PEX7: variants seen among roughly 807,000 people sequenced by gnomAD.
The protein encoded by PEX7 is PTS2 receptor.
Under a neutral mutation model 47.5 loss-of-function variants are expected in PEX7, and 34 were observed. That is an observed-to-expected ratio of 0.72 (90% confidence interval 0.54 to 0.95). The LOEUF (loss-of-function observed/expected upper bound fraction) is 0.95, where lower values mean the gene tolerates loss of function less well. PEX7 is among the 40% of genes least tolerant of loss of function. PEX7 has a pLI of 0.00. For missense variants in PEX7, 394 were observed against 400.3 expected, an observed-to-expected ratio of 0.98 and a Z score of 0.13; for synonymous variants, 141 against 148.8, an observed-to-expected ratio of 0.95 and a Z score of 0.38.
intron 9 of PEX7, among the ~76,000 whole-genome samples, chr6:136,903,202 T>C (rs1281671096): frequency 6.6e-6 from 1 of 152,224 alleles, no homozygotes. Flanking sequence ...CACGTTGAGA[T>C]ACAGAACATC....
intron 9 of PEX7, among the ~76,000 whole-genome samples, chr6:136,902,974 A>G (rs1171030795): frequency 6.6e-6 from 1 of 152,206 alleles, no homozygotes; most frequent in Non-Finnish European, 1.5e-5. Flanking sequence ...TGGAAATTAC[A>G]TTTAGAAGAA....
chr6:136,826,519 G>T, intron 3 of PEX7, 50 bp downstream of exon 3: 1 of 1,610,874 alleles, frequency 6.2e-7, no homozygotes, highest in Non-Finnish European at 8.5e-7. Context: ...TTCGACTTTG[G>T]TTGAAATCCA....
intron 3 of PEX7, among the ~76,000 whole-genome samples, chr6:136,836,899 G>GT (rs369788020): frequency 2.2e-4 from 33 of 152,246 alleles, no homozygotes; most frequent in African/African-American, 7.2e-4. Flanking sequence ...TTTGCAGTGA[G>GT]TGAAATCATG....
intron 3 of PEX7, among the ~76,000 whole-genome samples, chr6:136,833,488 A>C (rs941509454): frequency 6.6e-6 from 1 of 152,258 alleles, no homozygotes; most frequent in Non-Finnish European, 1.5e-5. Flanking sequence ...TTAAGACTAC[A>C]CAACACATTT....
intron 3 of PEX7, among the ~76,000 whole-genome samples, chr6:136,836,510 A>G (rs1209847329): frequency 6.6e-6 from 1 of 152,192 alleles, no homozygotes; most frequent in Non-Finnish European, 1.5e-5. Flanking sequence ...TTGGAAAGAA[A>G]AAGCAATTGC....
chr6:136,889,687 C>T (rs1775523055), intron 8 of PEX7, among the ~76,000 whole-genome samples: 1 of 152,126 alleles, frequency 6.6e-6, no homozygotes, highest in Non-Finnish European at 1.5e-5. Flanking sequence ...TGCTTTTTCT[C>T]ATTTTTCGTA....
intron 8 of PEX7, among the ~76,000 whole-genome samples, chr6:136,882,615 C>G (rs1263998169): frequency 6.6e-6 from 1 of 152,082 alleles, no homozygotes; most frequent in Non-Finnish European, 1.5e-5. Flanking sequence ...GCTGGGCCTG[C>G]AGATTTTCTC....
intron 3 of PEX7, among the ~76,000 whole-genome samples, chr6:136,843,102 T>G (rs1774532044): frequency 6.6e-6 from 1 of 152,192 alleles, no homozygotes; most frequent in Admixed American, 6.5e-5. Flanking sequence ...TCAAGTAGCA[T>G]GCTGTACAGA....
intron 5 of PEX7, among the ~76,000 whole-genome samples, chr6:136,865,862 A>G (rs1402880606): frequency 6.6e-6 from 1 of 152,026 alleles, no homozygotes; most frequent in Non-Finnish European, 1.5e-5. Flanking sequence ...AGGCGGGTGG[A>G]TCACGAGGTC....
At chr6:136,842,722 C>T (rs1774523511) in intron 3 of PEX7, among the ~76,000 whole-genome samples, 1 of 152,218 alleles carries the variant, frequency 6.6e-6, no homozygotes, top group Non-Finnish European at 1.5e-5. Context: ...ATGTTTTGCT[C>T]ATTAGGAGTC....
At chr6:136,856,090 T>C (rs892234701) in intron 5 of PEX7, among the ~76,000 whole-genome samples, 2 of 152,186 alleles carry the variant, frequency 1.3e-5, no homozygotes, top group Non-Finnish European at 2.9e-5. Context: ...GAATTGTTTC[T>C]AGAGTGTTGC....
At chr6:136,825,011 G>A (rs995796793) in intron 1 of PEX7, among the ~76,000 whole-genome samples, 7 of 152,182 alleles carry the variant, frequency 4.6e-5, no homozygotes, top group Non-Finnish European at 7.4e-5. Context: ...TGGAAAAACA[G>A]AAATAGAGAA....
chr6:136,866,080 T>C (rs1775066701), intron 5 of PEX7, among the ~76,000 whole-genome samples: 1 of 151,794 alleles, frequency 6.6e-6, no homozygotes, highest in Admixed American at 6.6e-5. Flanking sequence ...AGACTCTGTC[T>C]CGAAATAAAT....
chr6:136,840,991 T>A (rs1774486935), intron 3 of PEX7, among the ~76,000 whole-genome samples: 1 of 152,220 alleles, frequency 6.6e-6, no homozygotes, highest in African/African-American at 2.4e-5. Flanking sequence ...TTAAAAAAAT[T>A]GCAACTTGAA....
chr6:136,889,281 T>G (rs553094014), intron 8 of PEX7, among the ~76,000 whole-genome samples: 7 of 152,188 alleles, frequency 4.6e-5, no homozygotes, highest in Non-Finnish European at 7.4e-5. Flanking sequence ...GAAAATAATT[T>G]CCTATAAAAT....
intron 9 of PEX7, among the ~76,000 whole-genome samples, chr6:136,909,236 G>A (rs1775895293): frequency 6.6e-6 from 1 of 152,120 alleles, no homozygotes; most frequent in South Asian, 2.1e-4. Context: ...GTAATTCTGA[G>A]GAATATTTGA....
intron 7 of PEX7, 23 bp from the exon 8 acceptor site, chr6:136,872,175 T>C (rs1176224883): frequency 6.2e-7 from 1 of 1,601,082 alleles, no homozygotes; most frequent in Non-Finnish European, 8.5e-7. Context: ...AAAAGGGTTT[T>C]TTTTTTCTTT....
At position 136,840,455 on chromosome 6, in the gene PEX7, A is replaced by T. The variant is rs187884271; in HGVS notation, c.340-5160A>T. On this transcript the variant is annotated intron_variant, in intron 3 of 9. Coordinates refer to ENST00000318471, the MANE Select transcript of PEX7 (RefSeq NM_000288.4). ...TTTTGCATGATTTTGACCTTTGGGT[A>T]GTAAGAATCAGCATGGATGAATCTC... Among the ~76,000 whole-genome samples the T allele has an allele frequency of 5.3e-5, 8 of 152,086 alleles. No individual in the cohort carries two copies. In the East Asian group the frequency reaches 1.5e-3, roughly 29 times the overall value.
At chr6:136,860,184 A>G (rs1474713780) in intron 5 of PEX7, among the ~76,000 whole-genome samples, 5 of 152,106 alleles carry the variant, frequency 3.3e-5, no homozygotes, top group Non-Finnish European at 7.3e-5. Context: ...AAAAAACAAT[A>G]TAAATACAGA....
Sources: gnomAD v4.1 joint callset for allele counts (sites outside exome capture counted in the v4.1 genomes callset) on GRCh38, gnomAD v4.1.1 for gene constraint, MANE v1.5 for transcripts, NCBI Gene and HGNC (gene_info 2026-07-23, HGNC 2026-07-21) for gene names.